F7: variants seen among roughly 807,000 people sequenced by gnomAD.
F7 encodes the protein FVII coagulation protein.
In F7, 38 loss-of-function variants were observed where a neutral mutation model predicts 47.5. That is an observed-to-expected ratio of 0.80 (90% CI 0.62 to 1.05). The LOEUF is 1.05. Ranked by LOEUF, F7 falls within the 50% of genes least tolerant of loss-of-function variation. The probability of loss-of-function intolerance (pLI) is 0.00; values close to 1 mark genes in which losing one functional copy is unlikely to be tolerated. For synonymous variants in F7, 244 were observed against 258.5 expected (o/e 0.94, Z 0.54); for missense variants, 575 against 605.4 (o/e 0.95, Z 0.53).
In F7 at chr13:113,115,781, G is replaced by C. The variant is rs1343687295; in HGVS notation, c.486G>C (p.Gly162=). 6.2e-7 allele frequency: 1 copy of C among 1,613,142 alleles called. No homozygotes were observed. Among genetic ancestry groups the C allele is most frequent in the African/African-American group, 1.3e-5 (1 of 74,924 alleles). ...CHEGYSLLAD[G]VSCTPTVEYP... is the part of the protein sequence containing the mutation. ...AGGGGTACTCTCTGCTGGCAGACGGGGTGTCCTGCACACCCACAGGTGACC... is the reference window on the plus strand; with the variant it reads ...AGGGGTACTCTCTGCTGGCAGACGGCGTGTCCTGCACACCCACAGGTGACC... Residue 162 remains glycine, a synonymous_variant, in exon 5 of 8, where the codon GGG becomes GGC. Coordinates refer to ENST00000346342, the MANE Select transcript of F7 (RefSeq NM_019616.4).
At position 113,105,856 on chromosome 13, in the gene F7, C is replaced by T. The variant is rs150465470; in HGVS notation, c.15C>T (p.Ala5=). The T allele has an allele frequency of 6.9e-6, 11 of 1,590,188 alleles. No homozygotes were observed. The highest frequency in any genetic ancestry group is 1.3e-5 in the African/African-American group (1 of 74,756). MVSQ[A]LRLLCLLLGL... ...GAGATTTCATCATGGTCTCCCAGGC[C>T]CTCAGGCTCCTCTGCCTTCTGCTTG... Residue 5 remains alanine (A), a synonymous_variant, in exon 1 of 8, where the codon GCC becomes GCT. Transcript: ENST00000346342.
chr13:113,113,196 G>A lies in F7; in HGVS notation c.226-556G>A, dbSNP rs1180022528. Among the ~76,000 whole-genome samples the A allele has an allele frequency of 6.6e-6, 1 of 152,184 alleles. No individual in the cohort carries two copies. The highest frequency in any genetic ancestry group is 1.5e-5 in the Non-Finnish European group (1 of 68,036). The stretch of plus-strand genomic sequence containing the variant: ...CTCACAGGAGGTCCAGCTGTCTGAG[G>A]CAAAGGCTAACATGACCCTTTCCAG... On this transcript the variant is annotated intron_variant, in intron 2 of 7. Transcript: ENST00000346342. This position sits in a 1 kb window ranked among gnomAD's most constrained non-coding sequence, Gnocchi z 4.1.
Position 113,109,094 on chromosome 13 carries a change from A to G in F7, c.65-1596A>G, listed in dbSNP as rs1198092685. On this transcript the variant is annotated intron_variant, in intron 1 of 7. Coordinates refer to ENST00000346342, the MANE Select transcript of F7 (RefSeq NM_019616.4). ...TGTCCCGGGAGTGTGGGTGTTCCGG[A>G]GGCGAGGGTGTCCCGGGAGTGTGGG... Among the ~76,000 whole-genome samples, 5 of 53,528 alleles carry G rather than the reference A, an allele frequency of 9.3e-5. No individual in the cohort carries two copies. In the East Asian group the frequency reaches 2.8e-3, roughly 30 times the overall value. The allele number at this position is 53,528 out of a possible 152,430, so 35.1% of individuals were successfully genotyped here.
chr13:113,110,104 C>G (rs1405097505), intron 1 of F7, among the ~76,000 whole-genome samples: 1 of 152,090 alleles, frequency 6.6e-6, no homozygotes, highest in African/African-American at 2.4e-5. Context: ...CAGAGGGGCC[C>G]CAAGCGGAGG....
At position 113,110,703 on chromosome 13, in the gene F7, G is replaced by A; in HGVS notation, c.78G>A (p.Gln26=). 6.5e-7 allele frequency: 1 copy of A among 1,548,566 alleles called. No individual in the cohort carries two copies. Among genetic ancestry groups the A allele is most frequent in the Non-Finnish European group, 8.7e-7 (1 of 1,146,492 alleles). ...CGCATTTCCCAGTCTTCGTAACCCA[G>A]GAGGAAGCCCACGGCGTCCTGCACC... ...QGCLAAVFVT[Q]EEAHGVLHRR... is the part of the protein sequence containing the mutation. Residue 26 remains glutamine (Q), a synonymous_variant, in exon 2 of 8, where the codon CAG becomes CAA. Transcript: ENST00000346342.
intron 1 of F7, 47 bp from the exon 2 acceptor site, chr13:113,110,643 C>T: frequency 6.5e-7 from 1 of 1,547,018 alleles, no homozygotes; most frequent in Non-Finnish European, 8.7e-7. Flanking sequence ...CTCCGAGGCA[C>T]TGGGCGGGGC....
chr13:113,118,557 A>G lies in F7; in HGVS notation c.884A>G (p.His295Arg), dbSNP rs372225534. ...RLHQPVVLTD[H>R]VVPLCLPERT... The stretch of plus-strand genomic sequence containing the variant: ...CACCAGCCCGTGGTCCTCACTGACC[A>G]TGTGGTGCCCCTCTGCCTGCCCGAA... Residue 295 changes from histidine (H) to arginine (R), a missense_variant, in exon 8 of 8, where the codon CAT becomes CGT. Physicochemically the swap from His to Arg is conservative, Grantham distance 29. Coordinates refer to ENST00000346342, the MANE Select transcript of F7 (RefSeq NM_019616.4). The G allele has an allele frequency of 6.2e-7, 1 of 1,612,454 alleles. No homozygotes were observed. The highest frequency in any genetic ancestry group is 1.3e-5 in the African/African-American group (1 of 74,912).
At chr13:113,106,031 G>T (rs2035946770) in intron 1 of F7, 126 bp downstream of exon 1, 2 of 761,126 alleles carry the variant, frequency 2.6e-6, no homozygotes, top group Admixed American at 5.6e-5. Flanking sequence ...GGGTTTTCTG[G>T]CGGCTCCTGT....
chr13:113,115,830 T>C, intron 5 of F7, 30 bp downstream of exon 5: 2 of 1,612,792 alleles, frequency 1.2e-6, no homozygotes, highest in Non-Finnish European at 1.7e-6. Context: ...CAGTCCCAGA[T>C]GACACCAGTC....
rs1046957942 is a variant in F7 at position 113,119,043 on chromosome 13, G to C, written c.*35G>C. On this transcript the variant is annotated 3_prime_UTR_variant, in exon 8 of 8. Coordinates refer to ENST00000346342, the MANE Select transcript of F7 (RefSeq NM_019616.4). ...CCTGGCCTGTGGAGAGAAAGCCAAG[G>C]CTGCGTCGAACTGTCCTGGCACCAA... is the stretch of plus-strand genomic sequence containing the variant. 7.6e-6 allele frequency: 12 copies of C among 1,588,552 alleles called. No homozygotes were observed. The highest frequency in any genetic ancestry group is 1.1e-5 in the South Asian group (1 of 90,216).
In F7 at chr13:113,113,262, A is replaced by G. The variant is rs1487872281; in HGVS notation, c.226-490A>G. The stretch of plus-strand genomic sequence containing the variant: ...TCATGCCTAGCATTTTTATACACCT[A>G]GTTTTGAAAGCATTTCTCATCTGTT... On this transcript the variant is annotated intron_variant, in intron 2 of 7. Transcript: ENST00000346342. The surrounding 1 kb of genome is among the most constrained non-coding windows in gnomAD (Gnocchi z 4.1). Among the ~76,000 whole-genome samples the G allele has an allele frequency of 1.3e-5, 2 of 152,200 alleles. No homozygotes were observed. The highest frequency in any genetic ancestry group is 2.9e-5 in the Non-Finnish European group (2 of 68,024).
At position 113,106,092 on chromosome 13, in the gene F7, C is replaced by G. The variant is rs1042143063; in HGVS notation, c.64+187C>G. The stretch of plus-strand genomic sequence containing the variant: ...GCATCCAGGCACAGGAGGGGAGGCC[C>G]TTCTTGGTGGCCCAGGCTTTGGCGG... On this transcript the variant is annotated intron_variant, in intron 1 of 7. Transcript: ENST00000346342. Among the ~76,000 whole-genome samples, 3 of 151,104 alleles carry G rather than the reference C, an allele frequency of 2.0e-5. No individual in the cohort carries two copies. The East Asian group carries it at 6.1e-4, about 31-fold the overall frequency.
intron 2 of F7, among the ~76,000 whole-genome samples, chr13:113,112,464 C>T (rs377408169): frequency 6.7e-6 from 1 of 148,532 alleles, no homozygotes; most frequent in Admixed American, 6.7e-5. Flanking sequence ...CAGGATACCT[C>T]ACACTCAGGG....
chr13:113,117,056 G>T, intron 6 of F7, 181 bp downstream of exon 6: 11 of 661,304 alleles, frequency 1.7e-5, no homozygotes, highest in East Asian at 5.9e-5. Context: ...CAAGGAAGGA[G>T]AAAAGAAAAC....
Position 113,117,359 on chromosome 13 carries a change from A to G in F7, c.616-114A>G, listed in dbSNP as rs971719231. On this transcript the variant is annotated intron_variant, in intron 6 of 7. Transcript: ENST00000346342. The stretch of plus-strand genomic sequence containing the variant: ...GGGAGGGATCTGCAAAGACCCCAGG[A>G]TTTCAGAAAGAAATTGTGCAATGCC... 4 of 1,540,294 alleles carry G rather than the reference A, an allele frequency of 2.6e-6. No homozygotes were observed. In the African/African-American group the frequency reaches 4.1e-5, roughly 16 times the overall value.
intron 4 of F7, 77 bp downstream of exon 4, chr13:113,114,037 C>T: frequency 6.7e-7 from 1 of 1,500,804 alleles, no homozygotes; most frequent in Non-Finnish European, 9.2e-7. Context: ...AACCGGGCTG[C>T]AGGGTGCACA....
intron 2 of F7, among the ~76,000 whole-genome samples, chr13:113,112,431 A>T (rs55717924): frequency 0.015 from 2,126 of 137,944 alleles, no homozygotes; most frequent in African/African-American, 0.058. Flanking sequence ...ATCACCTCAT[A>T]CTCACAGATC....
chr13:113,110,499 G>A (rs1381525861), intron 1 of F7, 191 bp from the exon 2 acceptor site: 1 of 694,244 alleles, frequency 1.4e-6, no homozygotes, highest in Admixed American at 2.9e-5. Flanking sequence ...GGCCGGGAAG[G>A]ATGGGCGACG....
intron 4 of F7, chr13:113,114,610 C>T (rs1449505826): frequency 2.5e-5 from 4 of 157,216 alleles, no homozygotes; most frequent in Non-Finnish European, 4.2e-5. Flanking sequence ...TTGGGAAGCT[C>T]TACGAGCCCC....
Sources: gnomAD v4.1 joint callset for allele counts (sites outside exome capture counted in the v4.1 genomes callset) on GRCh38, gnomAD v4.1.1 for gene constraint, Gnocchi (gnomAD v3.1) non-coding constraint, MANE v1.5 for transcripts, NCBI Gene and HGNC (gene_info 2026-07-23, HGNC 2026-07-21) for gene names.